The following KIAA1549 variants were observed in gnomAD, a reference collection of about 807,000 sequenced individuals.
The protein encoded by KIAA1549 is KIAA1549.
A neutral mutation model predicts 156.4 loss-of-function variants in KIAA1549; 70 were observed. The observed-to-expected ratio is 0.45, with a 90% CI of 0.37 to 0.55. The LOEUF (loss-of-function observed/expected upper bound fraction) is 0.55, where lower values mean the gene tolerates loss of function less well. KIAA1549 is among the 20% of genes least tolerant of loss of function. KIAA1549 has a pLI of 0.00. For missense variants in KIAA1549, 2,428 were observed against 2,540.9 expected, an observed-to-expected ratio of 0.96 and a Z score of 0.96; for synonymous variants, 1,103 against 1,066.4, an observed-to-expected ratio of 1.03 and a Z score of -0.67.
In KIAA1549 at chr7:138,856,761, T is replaced by C. The variant is rs112588978; in HGVS notation, c.5247+4378A>G. Among the ~76,000 whole-genome samples, 365 of 152,306 alleles carry C rather than the reference T, an allele frequency of 2.4e-3. 4 individuals are homozygous for C. The highest frequency in any genetic ancestry group is 8.2e-3 in the African/African-American group (339 of 41,550). ...TCACTTAACTGCTTAGAACATACTG[T>C]AATAGTTAATTTTATGTATCAACCT... is the stretch of plus-strand genomic sequence containing the variant. On this transcript the variant is annotated intron_variant, in intron 16 of 19. Transcript: ENST00000422774.
chr7:138,842,352 T>A (rs1403218474), intron 18 of KIAA1549, among the ~76,000 whole-genome samples: 2 of 152,210 alleles, frequency 1.3e-5, no homozygotes, highest in Admixed American at 1.3e-4. Context: ...GGGCTATGGC[T>A]ACCGCTGAGC....
chr7:138,942,398 T>A (rs1813210262), intron 1 of KIAA1549, among the ~76,000 whole-genome samples: 1 of 151,020 alleles, frequency 6.6e-6, no homozygotes, highest in Non-Finnish European at 1.5e-5. Flanking sequence ...ACGGTGAAAA[T>A]AATATCTCGG....
At chr7:138,909,640 A>G (rs761814479) in intron 4 of KIAA1549, among the ~76,000 whole-genome samples, 14 of 152,200 alleles carry the variant, frequency 9.2e-5, no homozygotes, top group Non-Finnish European at 2.1e-4. Flanking sequence ...AAAGTTAAAT[A>G]TGATATTTAG....
At chr7:138,958,379 CA>C (rs1445613229) in intron 1 of KIAA1549, among the ~76,000 whole-genome samples, 2 of 152,186 alleles carry the variant, frequency 1.3e-5, no homozygotes, top group Non-Finnish European at 2.9e-5. Context: ...ATCTGAATCT[CA>C]AACAGAATGA....
chr7:138,840,016 T>C lies in KIAA1549; in HGVS notation c.5598+117A>G, dbSNP rs1017882911. 2.7e-4 allele frequency: 238 copies of C among 866,724 alleles called. 1 individual carries two copies. Among genetic ancestry groups the C allele is most frequent in the Non-Finnish European group, 3.6e-4 (210 of 585,882 alleles). The allele number at this position is 866,724 out of a possible 1,614,324, so 53.7% of individuals were successfully genotyped here. A position where few individuals can be genotyped will look rare whatever the true frequency, so the allele number is the denominator to read the frequency against. ...TACATTGGCCAGGCTGGTCTCAAAC[T>C]CCTGACTTCGTGATCCGCCCGCCTC... On this transcript the variant is annotated intron_variant, in intron 19 of 19. Coordinates refer to ENST00000422774, the MANE Select transcript of KIAA1549 (RefSeq NM_001164665.2).
Position 138,918,686 on chromosome 7 carries a change from C to A in KIAA1549, c.940G>T (p.Val314Phe), listed in dbSNP as rs1302076737. 6.2e-7 allele frequency: 1 copy of A among 1,613,836 alleles called. No individual in the cohort carries two copies. Among genetic ancestry groups the A allele is most frequent in the Non-Finnish European group, 8.5e-7 (1 of 1,179,884 alleles). ...LGEVSQPPEE[V>F]WATSADRYTD... is the part of the protein sequence containing the mutation. ...TATCTGTCTGCACTTGTGGCCCAAA[C>A]CTCCTCTGGAGGCTGTGAGACCTCC... Residue 314 changes from valine to phenylalanine, a missense_variant, in exon 2 of 20, where the codon GTT (valine) becomes TTT (phenylalanine). By Grantham distance (50) the Val-to-Phe change is conservative. This residue lies in a region of KIAA1549 where 893 missense variants were observed against 847.9 expected (regional missense o/e 1.05). Transcript: ENST00000422774. The surrounding 1 kb of genome is among the most constrained non-coding windows in gnomAD (Gnocchi z 4.2).
intron 16 of KIAA1549, among the ~76,000 whole-genome samples, chr7:138,854,800 T>G (rs1212786734): frequency 6.6e-6 from 1 of 152,162 alleles, no homozygotes; most frequent in Non-Finnish European, 1.5e-5. Flanking sequence ...TACTATGGGC[T>G]TGAATTTATA....
At chr7:138,849,624 T>C (rs891837592) in intron 17 of KIAA1549, among the ~76,000 whole-genome samples, 5 of 152,110 alleles carry the variant, frequency 3.3e-5, no homozygotes, top group African/African-American at 1.2e-4. Flanking sequence ...TAAACTCAAG[T>C]CACAGGGGTT....
Position 138,833,488 on chromosome 7 carries a change from G to A in KIAA1549, c.*4418C>T, listed in dbSNP as rs113765414. On this transcript the variant is annotated 3_prime_UTR_variant, in exon 20 of 20. Transcript: ENST00000422774. ...CTGGCTTTAGCCCAAAGCCTTTAGC[G>A]CCTACCTTCACCCGTGCTTTGCCTC... The A allele has an allele frequency of 3.8e-3, 891 of 232,434 alleles. 9 individuals carry two copies. Among genetic ancestry groups the A allele is most frequent in the African/African-American group, 0.018 (806 of 45,370 alleles). 14.4% of individuals were successfully genotyped at this position (232,434 alleles called of 1,614,324 possible). A position where few individuals can be genotyped will look rare whatever the true frequency, so the allele number is the denominator to read the frequency against.
At chr7:138,928,226 T>C (rs1279120721) in intron 1 of KIAA1549, among the ~76,000 whole-genome samples, 1 of 151,458 alleles carries the variant, frequency 6.6e-6, no homozygotes, top group African/African-American at 2.4e-5. Flanking sequence ...CGGCCTACTA[T>C]TGTCTTTTCA....
intron 1 of KIAA1549, among the ~76,000 whole-genome samples, chr7:138,927,571 G>A (rs1285513449): frequency 1.3e-5 from 2 of 152,278 alleles, no homozygotes; most frequent in African/African-American, 4.8e-5. Flanking sequence ...CTGGGAGGCA[G>A]AAGTTGCAGT....
At chr7:138,862,837 G>A (rs1006223285) in intron 15 of KIAA1549, among the ~76,000 whole-genome samples, 1 of 152,170 alleles carries the variant, frequency 6.6e-6, no homozygotes, top group Admixed American at 6.5e-5. Flanking sequence ...GGCTGAAGCA[G>A]GAGAATCGCT....
chr7:138,871,133 A>C (rs1278183837), intron 13 of KIAA1549, 24 bp downstream of exon 13: 2 of 1,603,992 alleles, frequency 1.2e-6, no homozygotes, highest in Non-Finnish European at 1.7e-6. Context: ...TTTAAGTAAC[A>C]GACTTTTAAA....
chr7:138,871,746 G>A lies in KIAA1549; in HGVS notation c.4346-384C>T, dbSNP rs554434626. ...AACTCTCAGAAAACACATTTATAGCGGCTCTGAACTATTGCTACCATCTGG... is the reference window on the plus strand; with the variant it reads ...AACTCTCAGAAAACACATTTATAGCAGCTCTGAACTATTGCTACCATCTGG... On this transcript the variant is annotated intron_variant, in intron 12 of 19. Coordinates refer to ENST00000422774, the MANE Select transcript of KIAA1549 (RefSeq NM_001164665.2). Among the ~76,000 whole-genome samples the A allele has an allele frequency of 1.8e-4, 28 of 152,284 alleles. No individual in the cohort carries two copies. The East Asian group carries it at 2.1e-3, about 12-fold the overall frequency.
In KIAA1549 at chr7:138,837,844, T is replaced by C; in HGVS notation, c.*62A>G. On this transcript the variant is annotated 3_prime_UTR_variant, in exon 20 of 20. Coordinates refer to ENST00000422774, the MANE Select transcript of KIAA1549 (RefSeq NM_001164665.2). Reference sequence around the variant, plus strand: ...CTCTTCCAAACACCCACTCAGTTGATTTCCTTTTGGTCTTGCTTCCACAGG... The same window carrying C: ...CTCTTCCAAACACCCACTCAGTTGACTTCCTTTTGGTCTTGCTTCCACAGG... 6.4e-7 allele frequency: 1 copy of C among 1,560,256 alleles called. No homozygotes were observed. The highest frequency in any genetic ancestry group is 8.7e-7 in the Non-Finnish European group (1 of 1,151,778).
At chr7:138,857,529 C>T (rs1006315694) in intron 16 of KIAA1549, among the ~76,000 whole-genome samples, 3 of 152,204 alleles carry the variant, frequency 2.0e-5, no homozygotes, top group Non-Finnish European at 4.4e-5. Flanking sequence ...AACTGTTTTT[C>T]AAAGTGGTTG....
chr7:138,936,091 G>A (rs541580798), intron 1 of KIAA1549, among the ~76,000 whole-genome samples: 1 of 152,338 alleles, frequency 6.6e-6, no homozygotes, highest in African/African-American at 2.4e-5. Context: ...CATACACACA[G>A]ATATGCATGG....
chr7:138,924,300 A>T (rs926632690), intron 1 of KIAA1549, among the ~76,000 whole-genome samples: 21 of 151,662 alleles, frequency 1.4e-4, no homozygotes, highest in African/African-American at 5.1e-4. Flanking sequence ...TATAAATCTG[A>T]ATGTTTTCCT....
chr7:138,931,499 C>T (rs1201303667), intron 1 of KIAA1549, among the ~76,000 whole-genome samples: 1 of 152,136 alleles, frequency 6.6e-6, no homozygotes, highest in African/African-American at 2.4e-5. Context: ...CGCCTGTAAT[C>T]CCAGCACTTT....
Sources: gnomAD v4.1 joint callset for allele counts (sites outside exome capture counted in the v4.1 genomes callset) on GRCh38, gnomAD v4.1.1 for gene constraint, gnomAD v4.1.1 regional missense constraint, Gnocchi (gnomAD v3.1) non-coding constraint, MANE v1.5 for transcripts, NCBI Gene and HGNC (gene_info 2026-07-23, HGNC 2026-07-21) for gene names.